The following ADGRV1 variants were observed in gnomAD, a reference collection of about 807,000 sequenced individuals.
The protein encoded by ADGRV1 is adhesion G protein-coupled receptor V1, also known as G-protein coupled receptor 98.
Under a neutral mutation model 596.2 loss-of-function variants are expected in ADGRV1, and 359 were observed. That is an observed-to-expected ratio of 0.60 (90% CI 0.55 to 0.66). ADGRV1 has a LOEUF of 0.66. Among genes scored for constraint, ADGRV1 ranks in the 30% least tolerant of loss-of-function variants. The pLI is 0.00. For synonymous variants in ADGRV1, 2,681 were observed against 2,679.2 expected (o/e 1.00, Z -0.02); for missense variants, 7,274 against 7,575.6 (o/e 0.96, Z 1.48).
chr5:90,650,418 T>C (rs899787705), intron 17 of ADGRV1, among the ~76,000 whole-genome samples: 2 of 152,218 alleles, frequency 1.3e-5, no homozygotes, highest in Non-Finnish European at 2.9e-5. Flanking sequence ...ATTGTCAGCG[T>C]TTTCTACACA....
chr5:90,738,265 G>A (rs1753506779), intron 50 of ADGRV1, among the ~76,000 whole-genome samples: 1 of 151,818 alleles, frequency 6.6e-6, no homozygotes, highest in African/African-American at 2.4e-5. Context: ...TTTGTAATTT[G>A]TATTTCCTAA....
intron 50 of ADGRV1, among the ~76,000 whole-genome samples, chr5:90,733,052 C>A (rs950949643): frequency 1.3e-5 from 2 of 152,180 alleles, no homozygotes; most frequent in East Asian, 3.8e-4. Flanking sequence ...AAGTAACTTG[C>A]AACTGCCTGG....
intron 83 of ADGRV1, among the ~76,000 whole-genome samples, chr5:90,935,833 G>T (rs1403009109): frequency 6.6e-6 from 1 of 152,194 alleles, no homozygotes. Flanking sequence ...AGTTTTTCCA[G>T]CCCAGGCAGT....
At chr5:90,890,659 A>C (rs1027009548) in intron 83 of ADGRV1, among the ~76,000 whole-genome samples, 1 of 152,158 alleles carries the variant, frequency 6.6e-6, no homozygotes, top group African/African-American at 2.4e-5. Context: ...GCCTCCTTAC[A>C]TATAAATGTG....
At chr5:90,724,803 A>G (rs1232653275) in intron 45 of ADGRV1, 29 bp from the exon 46 acceptor site, 3 of 1,604,774 alleles carry the variant, frequency 1.9e-6, no homozygotes, top group African/African-American at 1.3e-5. Flanking sequence ...GGAGTAATAA[A>G]CTAGTAAACC....
At chr5:90,971,970 A>T (rs190660375) in intron 84 of ADGRV1, among the ~76,000 whole-genome samples, 1 of 152,316 alleles carries the variant, frequency 6.6e-6, no homozygotes, top group African/African-American at 2.4e-5. Context: ...TCATGGGCAG[A>T]GACACACATA....
intron 85 of ADGRV1, among the ~76,000 whole-genome samples, chr5:90,994,081 G>A (rs1389133005): frequency 6.8e-6 from 1 of 147,628 alleles, no homozygotes; most frequent in Non-Finnish European, 1.5e-5. Flanking sequence ...TTTGGAGACA[G>A]AGTTTCGCTC....
intron 87 of ADGRV1, among the ~76,000 whole-genome samples, chr5:91,107,040 A>G (rs1392406598): frequency 6.6e-6 from 1 of 152,198 alleles, no homozygotes; most frequent in Non-Finnish European, 1.5e-5. Flanking sequence ...CGTTATGTGT[A>G]GCAGAATTCC....
intron 83 of ADGRV1, among the ~76,000 whole-genome samples, chr5:90,933,890 G>T (rs1289341680): frequency 6.6e-6 from 1 of 152,120 alleles, no homozygotes; most frequent in Non-Finnish European, 1.5e-5. Flanking sequence ...GTCAATTCTG[G>T]TCTCCTTTGG....
At position 90,805,313 on chromosome 5, in the gene ADGRV1, C is replaced by T. The variant is rs1282851932; in HGVS notation, c.14691C>T (p.Leu4897=). 2.5e-6 allele frequency: 4 copies of T among 1,612,792 alleles called. No homozygotes were observed. Among genetic ancestry groups the T allele is most frequent in the African/African-American group, 2.7e-5 (2 of 75,042 alleles). Residue 4897 remains leucine (L), a synonymous_variant, in exon 72 of 90, where the codon CTC becomes CTT. Transcript: ENST00000405460. ...QVGFESTAFQ[L]MNITAGTSHV... ...GATTTGAATCCACTGCTTTTCAACT[C>T]ATGAACATCACTGCTGGCACAAGCC...
chr5:90,806,354 C>T (rs1407648253), intron 72 of ADGRV1, among the ~76,000 whole-genome samples: 1 of 152,212 alleles, frequency 6.6e-6, no homozygotes, highest in African/African-American at 2.4e-5. Context: ...TTAGCCACTG[C>T]ATAGGTGCCC....
At chr5:90,953,015 G>A (rs1197978274) in intron 83 of ADGRV1, among the ~76,000 whole-genome samples, 2 of 152,154 alleles carry the variant, frequency 1.3e-5, no homozygotes, top group Non-Finnish European at 2.9e-5. Flanking sequence ...ACTCACCAGT[G>A]AGGTTCATTG....
intron 78 of ADGRV1, among the ~76,000 whole-genome samples, chr5:90,844,957 T>C (rs1047144594): frequency 6.6e-6 from 1 of 152,234 alleles, no homozygotes; most frequent in African/African-American, 2.4e-5. Flanking sequence ...AGATACCTTA[T>C]ATTTCAAGAA....
intron 15 of ADGRV1, 108 bp downstream of exon 15, chr5:90,644,977 A>G: frequency 1.2e-6 from 1 of 829,342 alleles, no homozygotes; most frequent in Non-Finnish European, 1.8e-6. Flanking sequence ...AAAGTTTGTA[A>G]TAAAGAACTC....
At chr5:91,094,067 G>A (rs1029774256) in intron 86 of ADGRV1, among the ~76,000 whole-genome samples, 1 of 151,926 alleles carries the variant, frequency 6.6e-6, no homozygotes, top group Admixed American at 6.5e-5. Flanking sequence ...CGCCAGGACA[G>A]TCTCGAGCTC....
At chr5:90,742,497 T>A (rs747464163) in intron 50 of ADGRV1, among the ~76,000 whole-genome samples, 1 of 152,096 alleles carries the variant, frequency 6.6e-6, no homozygotes, top group Admixed American at 6.6e-5. Context: ...TAACTGAAGA[T>A]GTAATCAGAT....
intron 21 of ADGRV1, among the ~76,000 whole-genome samples, chr5:90,666,668 T>G (rs1295263168): frequency 6.7e-6 from 1 of 149,842 alleles, no homozygotes; most frequent in Non-Finnish European, 1.5e-5. Context: ...GTTAGCGGGT[T>G]ATTTTGCTTG....
intron 83 of ADGRV1, among the ~76,000 whole-genome samples, chr5:90,943,331 G>T (rs562036350): frequency 6.6e-6 from 1 of 152,208 alleles, no homozygotes; most frequent in South Asian, 2.1e-4. Context: ...AGAAGACTTG[G>T]AATCAAGTCC....
At chr5:91,098,245 T>C (rs966878032) in intron 86 of ADGRV1, among the ~76,000 whole-genome samples, 1 of 152,120 alleles carries the variant, frequency 6.6e-6, no homozygotes, top group African/African-American at 2.4e-5. Context: ...CAAATGGAAT[T>C]TATAGTCACT....
Sources: gnomAD v4.1 joint callset for allele counts (sites outside exome capture counted in the v4.1 genomes callset) on GRCh38, gnomAD v4.1.1 for gene constraint, MANE v1.5 for transcripts, NCBI Gene and HGNC (gene_info 2026-07-23, HGNC 2026-07-21) for gene names.